NCKAP5: variants seen among roughly 807,000 people sequenced by gnomAD.
The protein encoded by NCKAP5 is nck-associated protein 5.
A neutral mutation model predicts 167.0 loss-of-function variants in NCKAP5; 92 were observed. The observed-to-expected ratio is 0.55, with a 90% CI of 0.47 to 0.66. NCKAP5 has a LOEUF of 0.66. NCKAP5 is among the 30% of genes least tolerant of loss of function. NCKAP5 has a pLI of 0.00. For synonymous variants in NCKAP5, 891 were observed against 877.4 expected, an observed-to-expected ratio of 1.02 and a Z score of -0.27; for missense variants, 2,378 against 2,315.0, an observed-to-expected ratio of 1.03 and a Z score of -0.56.
At chr2:133,035,079 TGCCAAA>T (rs1286705796) in intron 6 of NCKAP5, among the ~76,000 whole-genome samples, 1 of 151,912 alleles carries the variant, frequency 6.6e-6, no homozygotes, top group Non-Finnish European at 1.5e-5. Flanking sequence ...AGATATTCCA[TGCCAAA>T]GGAAATCAAA....
chr2:132,747,132 T>G (rs1196149462), intron 16 of NCKAP5, among the ~76,000 whole-genome samples: 1 of 148,172 alleles, frequency 6.7e-6, no homozygotes, highest in Non-Finnish European at 1.5e-5. Flanking sequence ...AAATTATACC[T>G]CCATGAACCT....
At chr2:133,439,789 GTCT>G (rs1690718227) in intron 3 of NCKAP5, among the ~76,000 whole-genome samples, 1 of 152,132 alleles carries the variant, frequency 6.6e-6, no homozygotes, top group Non-Finnish European at 1.5e-5. Context: ...GTTAAAGAAT[GTCT>G]TCTTCTCTAA....
intron 3 of NCKAP5, among the ~76,000 whole-genome samples, chr2:133,438,992 C>A (rs1433220936): frequency 6.6e-6 from 1 of 152,160 alleles, no homozygotes; most frequent in Non-Finnish European, 1.5e-5. Flanking sequence ...GACCAGCAGG[C>A]ATGATAACTT....
At position 132,697,849 on chromosome 2, in the gene NCKAP5, C is replaced by T. The variant is rs558932963; in HGVS notation, c.5714-24544G>A. Among the ~76,000 whole-genome samples, 16 of 152,226 alleles carry T rather than the reference C, an allele frequency of 1.1e-4. No homozygotes were observed. The South Asian group carries it at 2.7e-3, about 26-fold the overall frequency. On this transcript the variant is annotated intron_variant, in intron 19 of 19. Transcript: ENST00000409261. ...TTTTCAAATTAGTTGTTAGGGAAAA[C>T]GTTTTTCTTCCCATCAAACTTTCAC... is the stretch of plus-strand genomic sequence containing the variant.
intron 6 of NCKAP5, among the ~76,000 whole-genome samples, chr2:133,026,766 C>A (rs1000767572): frequency 6.6e-6 from 1 of 152,298 alleles, no homozygotes; most frequent in Middle Eastern, 3.4e-3. Flanking sequence ...CTCTTACATG[C>A]TAATTTGATC....
At chr2:132,800,670 G>A (rs1003479512) in intron 11 of NCKAP5, among the ~76,000 whole-genome samples, 3 of 152,028 alleles carry the variant, frequency 2.0e-5, no homozygotes, top group Admixed American at 2.0e-4. Context: ...CCTGCCCCTA[G>A]ATCCTGTTCA....
chr2:133,366,603 TA>T (rs545201976), intron 3 of NCKAP5, among the ~76,000 whole-genome samples: 1 of 152,142 alleles, frequency 6.6e-6, no homozygotes, highest in African/African-American at 2.4e-5. Context: ...CACCTGGCCT[TA>T]AAAAAATATT....
At chr2:132,756,999 C>T (rs1680611509) in intron 16 of NCKAP5, among the ~76,000 whole-genome samples, 1 of 152,140 alleles carries the variant, frequency 6.6e-6, no homozygotes, top group Non-Finnish European at 1.5e-5. Flanking sequence ...ACAATAACAT[C>T]GCCAGAGTAT....
intron 3 of NCKAP5, among the ~76,000 whole-genome samples, chr2:133,448,272 C>T (rs1015065691): frequency 1.3e-5 from 2 of 149,650 alleles, no homozygotes; most frequent in East Asian, 2.0e-4. Flanking sequence ...AAGAGGGAGG[C>T]GGGTTGGTGG....
chr2:132,708,324 G>A (rs1311862359), intron 19 of NCKAP5, among the ~76,000 whole-genome samples: 10 of 152,124 alleles, frequency 6.6e-5, no homozygotes, highest in Admixed American at 5.9e-4. Context: ...CCAGAGGGGA[G>A]CCAACTGCGC....
At chr2:132,707,208 G>A (rs1688443589) in intron 19 of NCKAP5, among the ~76,000 whole-genome samples, 1 of 152,238 alleles carries the variant, frequency 6.6e-6, no homozygotes, top group Admixed American at 6.5e-5. Context: ...TCTTGGGAGG[G>A]GGAAAGTGCA....
intron 4 of NCKAP5, among the ~76,000 whole-genome samples, chr2:133,233,123 G>A (rs1347480534): frequency 2.6e-5 from 4 of 152,134 alleles, no homozygotes; most frequent in East Asian, 3.9e-4. Context: ...TCTGTGGGAC[G>A]AGGAAAATGT....
At chr2:133,256,400 T>C (rs1178961682) in intron 4 of NCKAP5, among the ~76,000 whole-genome samples, 3 of 152,148 alleles carry the variant, frequency 2.0e-5, no homozygotes, top group African/African-American at 4.8e-5. Flanking sequence ...TTATGGCTCA[T>C]TTGGCATATG....
chr2:133,009,883 C>T (rs1346830796), intron 6 of NCKAP5, among the ~76,000 whole-genome samples: 1 of 151,930 alleles, frequency 6.6e-6, no homozygotes, highest in Non-Finnish European at 1.5e-5. Context: ...TCCTGGCCAA[C>T]ATGGTGAAAC....
At chr2:133,214,915 C>T (rs2086362145) in intron 4 of NCKAP5, among the ~76,000 whole-genome samples, 1 of 152,216 alleles carries the variant, frequency 6.6e-6, no homozygotes, top group Non-Finnish European at 1.5e-5. Context: ...GTGAAAACTT[C>T]TTCTCTCCTA....
At chr2:133,615,312 A>T in the NCKAP5 span, among the ~76,000 whole-genome samples, 3 of 151,412 alleles carry the variant, frequency 2.0e-5, no homozygotes, top group African/African-American at 7.2e-5. Flanking sequence ...TTAACTTTAA[A>T]TGTAAATGGA....
intron 3 of NCKAP5, among the ~76,000 whole-genome samples, chr2:133,441,306 TG>T (rs1461941024): frequency 6.6e-6 from 1 of 152,244 alleles, no homozygotes; most frequent in Non-Finnish European, 1.5e-5. Flanking sequence ...AATATTAGAA[TG>T]TTAGTCTTTT....
chr2:133,054,880 A>G (rs2079740957), intron 6 of NCKAP5, among the ~76,000 whole-genome samples: 1 of 152,196 alleles, frequency 6.6e-6, no homozygotes, highest in African/African-American at 2.4e-5. Context: ...ATAAGCAGGT[A>G]GGCACTATTG....
intron 5 of NCKAP5, among the ~76,000 whole-genome samples, chr2:133,200,053 T>C (rs1299531930): frequency 2.2e-5 from 3 of 134,506 alleles, no homozygotes; most frequent in South Asian, 2.3e-4. Context: ...TTGGCTTTTT[T>C]TTTCTTTCTT....
Sources: allele counts gnomAD v4.1 joint callset (sites outside exome capture counted in the v4.1 genomes callset), GRCh38; gene constraint gnomAD v4.1.1; transcripts MANE v1.5; gene names NCBI Gene and HGNC (gene_info 2026-07-23, HGNC 2026-07-21).